Variants in PAK1 observed in about 807,000 individuals in gnomAD.
PAK1 encodes the protein p21 (RAC1) activated kinase 1, also known as serine/threonine-protein kinase PAK 1.
PAK1 carries 29 observed loss-of-function variants against 67.4 expected under a neutral mutation model. The observed-to-expected ratio is 0.43, with a 90% CI of 0.32 to 0.59. The LOEUF (loss-of-function observed/expected upper bound fraction) is 0.59. PAK1 is among the 20% of genes least tolerant of loss of function. PAK1 has a pLI of 0.07. For missense variants in PAK1, 337 were observed against 670.7 expected (o/e 0.50, Z 5.50); for synonymous variants, 223 against 237.4 (o/e 0.94, Z 0.56).
intron 5 of PAK1, among the ~76,000 whole-genome samples, chr11:77,370,547 T>C (rs1948289481): frequency 6.6e-6 from 1 of 152,202 alleles, no homozygotes; most frequent in South Asian, 2.1e-4. Context: ...TTCAGCCCAT[T>C]TTCTCTGGAG....
At chr11:77,503,526 A>G in the PAK1 span, among the ~76,000 whole-genome samples, 1 of 152,242 alleles carries the variant, frequency 6.6e-6, no homozygotes, top group Non-Finnish European at 1.5e-5. Context: ...TATGTGGGTT[A>G]TCTCTATCAA....
intron 5 of PAK1, among the ~76,000 whole-genome samples, chr11:77,373,807 TTA>T (rs1256903977): frequency 6.6e-6 from 1 of 152,196 alleles, no homozygotes; most frequent in East Asian, 1.9e-4. Context: ...ATGAATGACT[TTA>T]AATGAATAAA....
the PAK1 span, among the ~76,000 whole-genome samples, chr11:77,492,945 G>T: frequency 7.9e-5 from 12 of 152,038 alleles, no homozygotes; most frequent in African/African-American, 2.9e-4. Flanking sequence ...CCAAAAAGCC[G>T]ACCAGATTTC....
the PAK1 span, among the ~76,000 whole-genome samples, chr11:77,501,373 C>T: frequency 4.7e-4 from 72 of 152,340 alleles, 1 homozygote; most frequent in Admixed American, 4.6e-3. Flanking sequence ...ACTGACTCCT[C>T]TCTTCTTCAT....
chr11:77,461,746 G>A (rs1957355450), intron 1 of PAK1, among the ~76,000 whole-genome samples: 1 of 152,140 alleles, frequency 6.6e-6, no homozygotes, highest in Non-Finnish European at 1.5e-5. Context: ...AAAAGTTTGT[G>A]AAACAAAGCC....
At chr11:77,382,391 CT>C (rs1949951698) in intron 2 of PAK1, among the ~76,000 whole-genome samples, 1 of 152,108 alleles carries the variant, frequency 6.6e-6, no homozygotes, top group Non-Finnish European at 1.5e-5. Context: ...TTTTTGCTTG[CT>C]TTTTCTTCTC....
chr11:77,331,631 G>A (rs954409234), intron 14 of PAK1, among the ~76,000 whole-genome samples: 4 of 152,174 alleles, frequency 2.6e-5, no homozygotes, highest in African/African-American at 9.7e-5. Flanking sequence ...ACCCGGGACT[G>A]TTGTGGGGTC....
intron 1 of PAK1, among the ~76,000 whole-genome samples, chr11:77,467,636 A>G (rs1957659109): frequency 6.6e-6 from 1 of 152,242 alleles, no homozygotes; most frequent in Non-Finnish European, 1.5e-5. Flanking sequence ...CTTCACAAGT[A>G]ATTCAAGTGC....
At chr11:77,391,701 T>C (rs1951163087) in intron 2 of PAK1, among the ~76,000 whole-genome samples, 1 of 152,212 alleles carries the variant, frequency 6.6e-6, no homozygotes, top group African/African-American at 2.4e-5. Context: ...TATACACTAT[T>C]AAATCAACAG....
At chr11:77,476,376 T>C (rs1009657438), upstream of PAK1, 1 of 152,196 alleles carries the variant, frequency 6.6e-6, no homozygotes, top group African/African-American at 2.4e-5. Context: ...TTGACTCTAA[T>C]CTGGATTGTC....
intron 1 of PAK1, among the ~76,000 whole-genome samples, chr11:77,410,630 A>T (rs1380032076): frequency 2.0e-5 from 3 of 151,490 alleles, no homozygotes; most frequent in African/African-American, 7.3e-5. Context: ...ACACAGGGGG[A>T]GAAATACAAA....
At chr11:77,427,523 C>G (rs951340574) in intron 1 of PAK1, among the ~76,000 whole-genome samples, 13 of 152,196 alleles carry the variant, frequency 8.5e-5, no homozygotes, top group African/African-American at 2.9e-4. Flanking sequence ...CAGAGCCTCT[C>G]AGACCTCAGT....
At chr11:77,467,249 ACCC>A (rs1167799487) in intron 1 of PAK1, among the ~76,000 whole-genome samples, 1 of 151,954 alleles carries the variant, frequency 6.6e-6, no homozygotes, top group South Asian at 2.1e-4. Context: ...TTGCCAGGCC[ACCC>A]CCATTTCAAG....
chr11:77,325,363 C>G, intron 14 of PAK1: 1 of 1,613,610 alleles, frequency 6.2e-7, no homozygotes, highest in Non-Finnish European at 8.5e-7. Flanking sequence ...CACTTGAAAC[C>G]TCAGTTTTCT....
intron 13 of PAK1, among the ~76,000 whole-genome samples, chr11:77,333,272 A>C (rs895733874): frequency 3.6e-5 from 5 of 137,942 alleles, no homozygotes; most frequent in African/African-American, 1.4e-4. Flanking sequence ...ATCTTGGCTC[A>C]CTGCAACCTC....
the PAK1 span, among the ~76,000 whole-genome samples, chr11:77,513,198 C>G: frequency 9.2e-5 from 14 of 152,080 alleles, no homozygotes; most frequent in African/African-American, 3.4e-4. Flanking sequence ...TCCTTTATGC[C>G]TCATTTTTCT....
chr11:77,357,619 G>A (rs1470468923), intron 6 of PAK1, among the ~76,000 whole-genome samples: 2 of 152,012 alleles, frequency 1.3e-5, no homozygotes, highest in Non-Finnish European at 2.9e-5. Flanking sequence ...CTGGAGTTGG[G>A]GTTAATTACC....
intron 1 of PAK1, among the ~76,000 whole-genome samples, chr11:77,413,920 A>T (rs1275633071): frequency 2.6e-5 from 4 of 152,140 alleles, no homozygotes; most frequent in African/African-American, 9.7e-5. Context: ...CAAACTAATA[A>T]GCAATAATCA....
the PAK1 span, among the ~76,000 whole-genome samples, chr11:77,489,423 T>TCTCTCCC: frequency 9.8e-5 from 14 of 143,084 alleles, no homozygotes; most frequent in South Asian, 4.4e-4. Context: ...CTCTCCTCTC[T>TCTCTCCC]CTCTCCCCTC....
Sources: allele counts gnomAD v4.1 joint callset (sites outside exome capture counted in the v4.1 genomes callset), GRCh38; gene constraint gnomAD v4.1.1; transcripts MANE v1.5; gene names NCBI Gene and HGNC (gene_info 2026-07-23, HGNC 2026-07-21).